The following CEACAM8 variants were observed in gnomAD, a reference collection of about 807,000 sequenced individuals.
CEACAM8 encodes the protein cell adhesion molecule CEACAM8.
CEACAM8 carries 31 observed loss-of-function variants against 33.4 expected under a neutral mutation model. The observed-to-expected ratio is 0.93, with a 90% CI of 0.70 to 1.25. The LOEUF (loss-of-function observed/expected upper bound fraction) is 1.25, where lower values mean the gene tolerates loss of function less well. CEACAM8 is among the 50% of genes most tolerant of loss of function. CEACAM8 has a pLI of 0.00. For synonymous variants in CEACAM8, 138 were observed against 164.5 expected (o/e 0.84, Z 1.23); for missense variants, 388 against 434.6 (o/e 0.89, Z 0.95).
chr19:42,583,139 C>T, intron 5 of CEACAM8, 67 bp downstream of exon 5: 2 of 720,566 alleles, frequency 2.8e-6, no homozygotes, highest in Admixed American at 2.4e-5. Flanking sequence ...TCCCGGGATA[C>T]AGGTCTCTCT....
rs1300800228 is a variant in CEACAM8 at position 42,589,747 on chromosome 19, A to G, written c.425-12T>C. ...CTTGGGAGTCTCCGCTGTGCAGAAA[A>G]CAGAGAGAAGATTGCCCTGTGTGGC... is the stretch of plus-strand genomic sequence containing the variant. On this transcript the variant is annotated splice_polypyrimidine_tract_variant and intron_variant, in intron 2 of 5. Transcript: ENST00000244336. 4 of 1,614,010 alleles carry G rather than the reference A, an allele frequency of 2.5e-6. No individual in the cohort carries two copies. Among genetic ancestry groups the G allele is most frequent in the East Asian group, 2.2e-5 (1 of 44,886 alleles).
At chr19:42,586,792 A>G in intron 4 of CEACAM8, among the ~76,000 whole-genome samples, 1 of 152,242 alleles carries the variant, frequency 6.6e-6, no homozygotes, top group East Asian at 1.9e-4. Context: ...GAGGAAGTGA[A>G]AAGGCAACCT....
At position 42,589,520 on chromosome 19, in the gene CEACAM8, C is replaced by T. The variant is rs749383554; in HGVS notation, c.640G>A (p.Glu214Lys). 4 of 1,614,204 alleles carry T rather than the reference C, an allele frequency of 2.5e-6. No individual in the cohort carries two copies. In the South Asian group the frequency reaches 4.4e-5, roughly 18 times the overall value. The change falls in exon 3 of 6, where the codon GAA (glutamate) becomes AAA (lysine). Residue 214 changes from glutamate (E) to lysine (K), a missense_variant. Glu to Lys is a moderately conservative substitution (Grantham distance 56). Transcript: ENST00000244336. ...CTCGCTGGGTTCTGTATTTCACATTCATAGGGTCCTACGTCATTCCTTGTG... is the reference window on the plus strand; with the variant it reads ...CTCGCTGGGTTCTGTATTTCACATTTATAGGGTCCTACGTCATTCCTTGTG... Reference protein sequence around the residue: ...SVTRNDVGPYECEIQNPASAN... With the variant: ...SVTRNDVGPYKCEIQNPASAN...
intron 3 of CEACAM8, 85 bp downstream of exon 3, chr19:42,589,372 A>T: frequency 6.3e-7 from 1 of 1,592,144 alleles, no homozygotes; most frequent in Non-Finnish European, 8.6e-7. Context: ...GCATTTTTGG[A>T]GCTGAGAGGG....
chr19:42,588,668 A>G, intron 4 of CEACAM8, 116 bp downstream of exon 4: 1 of 1,148,012 alleles, frequency 8.7e-7, no homozygotes, highest in Non-Finnish European at 1.3e-6. Context: ...AAAGTTGGGG[A>G]TTTGCTTGTG....
rs199506812 is a variant in CEACAM8 at position 42,593,568 on chromosome 19, C to A, written c.397G>T (p.Glu133Ter). Residue 133 changes from glutamate (E) to a stop codon, truncating the protein, a stop_gained, in exon 2 of 6, where the codon GAA becomes TAA. Transcript: ENST00000244336. LOFTEE classifies it high-confidence loss of function. ...QVIKLNLMSE[E>*]VTGQFSVHPE... Reference sequence around the variant, plus strand: ...TGTACGCTGAACTGGCCAGTTACTTCTTCACTCATAAGATTTAGCTTTATG... The same window carrying A: ...TGTACGCTGAACTGGCCAGTTACTTATTCACTCATAAGATTTAGCTTTATG... The A allele has an allele frequency of 7.6e-6, 12 of 1,582,740 alleles. No individual in the cohort carries two copies. The highest frequency in any genetic ancestry group is 2.3e-5 in the South Asian group (2 of 85,476).
At chr19:42,582,978 G>A (rs923965566) in intron 5 of CEACAM8, 2 of 428,774 alleles carry the variant, frequency 4.7e-6, no homozygotes, top group Admixed American at 4.2e-5. Context: ...CTTTCATAGT[G>A]TATTGAATCT....
chr19:42,594,842 T>G lies in CEACAM8; in HGVS notation c.-14A>C, dbSNP rs755231893. ...GATGGGCCCCATGGTCTCTGCTGCC[T>G]GCGTGTTCTCCTCTGTGGAGATGAG... On this transcript the variant is annotated 5_prime_UTR_variant, in exon 1 of 6. Transcript: ENST00000244336. 6.2e-7 allele frequency: 1 copy of G among 1,606,414 alleles called. No homozygotes were observed. Among genetic ancestry groups the G allele is most frequent in the East Asian group, 2.2e-5 (1 of 44,614 alleles).
At chr19:42,593,941 G>A (rs760341829) in intron 1 of CEACAM8, 41 bp from the exon 2 acceptor site, 28 of 1,531,554 alleles carry the variant, frequency 1.8e-5, no homozygotes, top group East Asian at 4.5e-5. Flanking sequence ...TGCAACATAT[G>A]TATTGGAGTA....
intron 4 of CEACAM8, among the ~76,000 whole-genome samples, chr19:42,585,559 T>A (rs45597032): frequency 0.039 from 5,953 of 152,188 alleles, 153 homozygotes; most frequent in Non-Finnish European, 0.06. Flanking sequence ...TCTTTCTTAA[T>A]AAAAACATGC....
rs1196277144 is a variant in CEACAM8, at chr19:42,593,797, G to A, written c.168C>T (p.His56=). ...AEGKEVLLLV[H]NLPQDPRGYN... is the part of the protein sequence containing the mutation. ...AGCCACGAGGGTCCTGGGGCAGATT[G>A]TGGACAAGTAGAAGAACCTCCTTCC... Residue 56 remains histidine (H), a synonymous_variant, in exon 2 of 6, where the codon CAC becomes CAT. Coordinates refer to ENST00000244336, the MANE Select transcript of CEACAM8 (RefSeq NM_001816.4). 6.2e-7 allele frequency: 1 copy of A among 1,613,966 alleles called. No individual in the cohort carries two copies. Among genetic ancestry groups the A allele is most frequent in the Non-Finnish European group, 8.5e-7 (1 of 1,180,002 alleles).
rs2042387054 is a variant in CEACAM8 at position 42,589,102 on chromosome 19, G to A, written c.704-64C>T. On this transcript the variant is annotated intron_variant, in intron 3 of 5. Transcript: ENST00000244336. ...AGGGAAGGGGAAGCTCCTGGTCTGTGGAAGAGCCACAGTGTCCCTCTGAGC... is the reference window on the plus strand; with the variant it reads ...AGGGAAGGGGAAGCTCCTGGTCTGTAGAAGAGCCACAGTGTCCCTCTGAGC... 26 of 1,553,316 alleles carry A rather than the reference G, an allele frequency of 1.7e-5. No homozygotes were observed. The South Asian group carries it at 3.2e-4, about 19-fold the overall frequency.
Position 42,589,627 on chromosome 19 carries a change from C to T in CEACAM8, c.533G>A (p.Trp178Ter), listed in dbSNP as rs779107289. 1 of 1,614,160 alleles carries T rather than the reference C, an allele frequency of 6.2e-7. No homozygotes were observed. The highest frequency in any genetic ancestry group is 1.3e-5 in the African/African-American group (1 of 75,028). The change falls in exon 3 of 6, where the codon TGG becomes TAG. Residue 178 changes from tryptophan (W) to a stop codon, truncating the protein, a stop_gained. Coordinates refer to ENST00000244336, the MANE Select transcript of CEACAM8 (RefSeq NM_001816.4). LOFTEE classifies it high-confidence loss of function. ...CGGGAGACTCTGACCATTTACCCAC[C>T]ACAGGTAGGTTGTGTTCTGAGTCTC... ...EPETQNTTYL[W>*]WVNGQSLPVS...
At chr19:42,589,875 G>A in intron 2 of CEACAM8, 140 bp from the exon 3 acceptor site, 2 of 1,505,670 alleles carry the variant, frequency 1.3e-6, no homozygotes, top group African/African-American at 2.8e-5. Context: ...TGTGTCACAA[G>A]ACAGATGCAC....
At chr19:42,583,150 C>T in intron 5 of CEACAM8, 56 bp downstream of exon 5, 1 of 778,724 alleles carries the variant, frequency 1.3e-6, no homozygotes, top group East Asian at 2.5e-5. Context: ...AGGTCTCTCT[C>T]CCAAGCATGG....
At chr19:42,582,198 G>C (rs2042271293) in intron 5 of CEACAM8, among the ~76,000 whole-genome samples, 1 of 151,370 alleles carries the variant, frequency 6.6e-6, no homozygotes, top group Non-Finnish European at 1.5e-5. Flanking sequence ...CAATGCCTGG[G>C]TCCCACTCCA....
chr19:42,581,920 AATATATAT>A lies in CEACAM8; in HGVS notation c.*41-575_*41-568del, dbSNP rs57314008. Among the ~76,000 whole-genome samples the A allele has an allele frequency of 5.7e-3, 144 of 25,308 alleles. 4 individuals carry two copies. Among genetic ancestry groups the A allele is most frequent in the African/African-American group, 0.022 (135 of 6,082 alleles). 16.6% of individuals were successfully genotyped at this position (25,308 alleles called of 152,430 possible). A position where few individuals can be genotyped will look rare whatever the true frequency, so the allele number is the denominator to read the frequency against. On this transcript the variant is annotated intron_variant, in intron 5 of 5. Coordinates refer to ENST00000244336, the MANE Select transcript of CEACAM8 (RefSeq NM_001816.4). ...AAAAAAAAAAAAAAAAAAAAAAAAA[AATATATAT>A]ATATATATATATATATATAAAATAA...
At chr19:42,591,421 T>C (rs2042436379) in intron 2 of CEACAM8, among the ~76,000 whole-genome samples, 1 of 152,126 alleles carries the variant, frequency 6.6e-6, no homozygotes, top group Non-Finnish European at 1.5e-5. Flanking sequence ...GAGGAAGTCT[T>C]AGGTGTGTCA....
chr19:42,581,388 A>G (rs2042254946), intron 5 of CEACAM8, 35 bp from the exon 6 acceptor site: 1 of 152,250 alleles, frequency 6.6e-6, no homozygotes, highest in Non-Finnish European at 1.5e-5. Context: ...GACTATGGTT[A>G]AAACTCTGAG....
Sources: gnomAD v4.1 joint callset for allele counts (sites outside exome capture counted in the v4.1 genomes callset) on GRCh38, gnomAD v4.1.1 for gene constraint, MANE v1.5 for transcripts, NCBI Gene and HGNC (gene_info 2026-07-23, HGNC 2026-07-21) for gene names.